ATOSA: variants seen among roughly 807,000 people sequenced by gnomAD.
ATOSA encodes the protein atos homolog A, also known as atos homolog protein A.
chr15:52,643,861 C>T, the ATOSA span, among the ~76,000 whole-genome samples: 1 of 151,400 alleles, frequency 6.6e-6, no homozygotes, highest in Non-Finnish European at 1.5e-5. Context: ...TGCAGTGAGC[C>T]GAGATCACGC....
the ATOSA span, among the ~76,000 whole-genome samples, chr15:52,619,635 C>T: frequency 8.7e-3 from 1,325 of 152,046 alleles, 20 homozygotes; most frequent in African/African-American, 0.03. Context: ...GGGTTCGAGA[C>T]CAGCCTGACC....
chr15:52,595,835 C>T, the ATOSA span, among the ~76,000 whole-genome samples: 1 of 152,142 alleles, frequency 6.6e-6, no homozygotes. Flanking sequence ...CTGGGCTAGG[C>T]GTGGTGGCTT....
At chr15:52,618,513 T>C in the ATOSA span, among the ~76,000 whole-genome samples, 24 of 152,068 alleles carry the variant, frequency 1.6e-4, no homozygotes, top group Admixed American at 1.1e-3. Flanking sequence ...GAAAGTGCAA[T>C]GAGAGAGTGA....
the ATOSA span, among the ~76,000 whole-genome samples, chr15:52,645,174 C>T: frequency 8.5e-5 from 13 of 152,210 alleles, no homozygotes; most frequent in Non-Finnish European, 1.2e-4. Context: ...CGCAGTGGCT[C>T]ATGCCTGTAA....
chr15:52,639,243 A>G, the ATOSA span, among the ~76,000 whole-genome samples: 1 of 152,182 alleles, frequency 6.6e-6, no homozygotes, highest in Non-Finnish European at 1.5e-5. Flanking sequence ...TAATTCTATA[A>G]TATCATCTGT....
the ATOSA span, among the ~76,000 whole-genome samples, chr15:52,627,787 T>G: frequency 6.6e-6 from 1 of 152,126 alleles, no homozygotes; most frequent in Non-Finnish European, 1.5e-5. Flanking sequence ...AGGACTGAAA[T>G]GATTACATTC....
At chr15:52,593,031 G>C in the ATOSA span, among the ~76,000 whole-genome samples, 1 of 152,064 alleles carries the variant, frequency 6.6e-6, no homozygotes, top group South Asian at 2.1e-4. Flanking sequence ...TGTAGACCCA[G>C]CTATTTAGGA....
At chr15:52,623,481 T>C in the ATOSA span, among the ~76,000 whole-genome samples, 3 of 151,860 alleles carry the variant, frequency 2.0e-5, no homozygotes, top group African/African-American at 4.8e-5. Flanking sequence ...AATATGTAGA[T>C]AGAGGAGAGC....
At chr15:52,589,246 C>CT in the ATOSA span, among the ~76,000 whole-genome samples, 4 of 152,118 alleles carry the variant, frequency 2.6e-5, no homozygotes, top group Admixed American at 6.5e-5. Flanking sequence ...CTGTATACCA[C>CT]TTTTTTTTAA....
the ATOSA span, among the ~76,000 whole-genome samples, chr15:52,651,403 CACTT>C: frequency 1.2e-4 from 18 of 152,324 alleles, no homozygotes; most frequent in African/African-American, 1.9e-4. Flanking sequence ...TCAAAAATCT[CACTT>C]AGTTAAATTC....
At chr15:52,632,787 G>C in the ATOSA span, among the ~76,000 whole-genome samples, 1 of 152,102 alleles carries the variant, frequency 6.6e-6, no homozygotes, top group Admixed American at 6.5e-5. Flanking sequence ...ATTTCATGAA[G>C]TATTTCATTC....
the ATOSA span, among the ~76,000 whole-genome samples, chr15:52,676,921 C>A: frequency 6.6e-6 from 1 of 152,142 alleles, no homozygotes; most frequent in East Asian, 1.9e-4. Flanking sequence ...ACACAAGGAA[C>A]CTGCTCAGGA....
the ATOSA span, among the ~76,000 whole-genome samples, chr15:52,597,895 C>T: frequency 6.6e-6 from 1 of 152,152 alleles, no homozygotes; most frequent in Non-Finnish European, 1.5e-5. Flanking sequence ...GAGGCCGAGG[C>T]AGGTGGATCA....
the ATOSA span, among the ~76,000 whole-genome samples, chr15:52,666,464 A>G: frequency 6.6e-6 from 1 of 152,204 alleles, no homozygotes; most frequent in Non-Finnish European, 1.5e-5. Context: ...TATCTTGTAT[A>G]TAGGGAGTTC....
chr15:52,648,267 T>C, the ATOSA span, among the ~76,000 whole-genome samples: 1 of 152,262 alleles, frequency 6.6e-6, no homozygotes, highest in East Asian at 1.9e-4. Flanking sequence ...GGTGAAACTA[T>C]GCCCAATATT....
the ATOSA span, among the ~76,000 whole-genome samples, chr15:52,582,913 T>G: frequency 6.6e-6 from 1 of 152,238 alleles, no homozygotes; most frequent in Non-Finnish European, 1.5e-5. Flanking sequence ...AGTGCAGGGA[T>G]TTGGAATCTT....
chr15:52,698,457 G>A, the ATOSA span, among the ~76,000 whole-genome samples: 56 of 152,218 alleles, frequency 3.7e-4, no homozygotes, highest in Non-Finnish European at 4.9e-4. Context: ...TATATTCATA[G>A]CAGCTTTGTT....
At chr15:52,588,199 T>C in the ATOSA span, among the ~76,000 whole-genome samples, 4 of 152,220 alleles carry the variant, frequency 2.6e-5, no homozygotes, top group Non-Finnish European at 5.9e-5. Flanking sequence ...CAAATATACA[T>C]TTTAACAAGA....
chr15:52,589,976 CG>C, the ATOSA span, among the ~76,000 whole-genome samples: 2 of 151,918 alleles, frequency 1.3e-5, no homozygotes, highest in African/African-American at 4.8e-5. Context: ...TTAGTAGAGA[CG>C]GGGTTTTACC....
Sources: gnomAD v4.1 joint callset for allele counts (sites outside exome capture counted in the v4.1 genomes callset) on GRCh38, gnomAD v4.1.1 for gene constraint, MANE v1.5 for transcripts, NCBI Gene and HGNC (gene_info 2026-07-23, HGNC 2026-07-21) for gene names.